PRELID2: variants seen among roughly 807,000 people sequenced by gnomAD.
The protein encoded by PRELID2 is PRELI domain-containing protein 2.
A neutral mutation model predicts 28.4 loss-of-function variants in PRELID2; 25 were observed. The ratio of observed to expected loss-of-function variants is 0.88; its 90% CI spans 0.64 to 1.23. PRELID2 has a LOEUF of 1.23. PRELID2 is among the 50% of genes most tolerant of loss of function. The probability of loss-of-function intolerance (pLI) is 0.00; values close to 1 mark genes in which losing one functional copy is unlikely to be tolerated. For synonymous variants in PRELID2, 76 were observed against 71.6 expected, an observed-to-expected ratio of 1.06 and a Z score of -0.31; for missense variants, 201 against 214.4, an observed-to-expected ratio of 0.94 and a Z score of 0.39.
chr5:145,650,302 A>T (rs1754266334), intron 1 of PRELID2, among the ~76,000 whole-genome samples: 1 of 151,954 alleles, frequency 6.6e-6, no homozygotes, highest in South Asian at 2.1e-4. Context: ...GACGAGTAGC[A>T]CTGAATGCCA....
chr5:145,622,201 A>G (rs1487475091), intron 1 of PRELID2, among the ~76,000 whole-genome samples: 1 of 152,158 alleles, frequency 6.6e-6, no homozygotes, highest in African/African-American at 2.4e-5. Flanking sequence ...TGCTAATAAG[A>G]ACAAAATTTT....
intron 1 of PRELID2, among the ~76,000 whole-genome samples, chr5:145,703,533 C>T (rs987072234): frequency 6.6e-5 from 10 of 152,194 alleles, no homozygotes; most frequent in African/African-American, 2.4e-4. Flanking sequence ...GTTCCAACAG[C>T]ACATAGCCAG....
At chr5:145,494,400 T>C (rs1314460709) in intron 1 of PRELID2, among the ~76,000 whole-genome samples, 1 of 152,232 alleles carries the variant, frequency 6.6e-6, no homozygotes, top group African/African-American at 2.4e-5. Flanking sequence ...TGGACAATTT[T>C]CTAACTGAAA....
chr5:145,407,426 C>T, the PRELID2 span, among the ~76,000 whole-genome samples: 1 of 152,048 alleles, frequency 6.6e-6, no homozygotes, highest in Non-Finnish European at 1.5e-5. Flanking sequence ...TGAGAACCAC[C>T]CTCTGTCTCC....
At chr5:145,326,613 A>G in the PRELID2 span, among the ~76,000 whole-genome samples, 2 of 152,200 alleles carry the variant, frequency 1.3e-5, no homozygotes, top group African/African-American at 4.8e-5. Context: ...TGAGTCTAGA[A>G]GAAGGCCTAC....
At chr5:145,714,292 T>C (rs1439792458) in intron 1 of PRELID2, among the ~76,000 whole-genome samples, 2 of 152,124 alleles carry the variant, frequency 1.3e-5, no homozygotes, top group African/African-American at 4.8e-5. Flanking sequence ...TGAAACTTCA[T>C]GACCGAGATT....
intron 1 of PRELID2, among the ~76,000 whole-genome samples, chr5:145,635,601 G>C (rs73313746): frequency 0.15 from 23,004 of 152,198 alleles, 2,975 homozygotes; most frequent in African/African-American, 0.34. Flanking sequence ...CTGTCTGGCA[G>C]CAGTGCCTGA....
chr5:145,283,185 C>A, the PRELID2 span, among the ~76,000 whole-genome samples: 3 of 152,146 alleles, frequency 2.0e-5, no homozygotes, highest in Non-Finnish European at 4.4e-5. Context: ...GAGCAATGCA[C>A]CTTAGTGGTT....
intron 1 of PRELID2, among the ~76,000 whole-genome samples, chr5:145,750,460 C>G (rs1444189890): frequency 6.6e-6 from 1 of 152,030 alleles, no homozygotes; most frequent in African/African-American, 2.4e-5. Context: ...TTATGCAATC[C>G]CTAAATTTCA....
chr5:145,535,127 A>G (rs572368959), intron 1 of PRELID2, among the ~76,000 whole-genome samples: 18 of 152,002 alleles, frequency 1.2e-4, no homozygotes, highest in African/African-American at 3.4e-4. Flanking sequence ...TTTTCCCCCT[A>G]TGTATCTCCT....
At chr5:145,688,002 C>T (rs1755069040) in intron 1 of PRELID2, among the ~76,000 whole-genome samples, 1 of 152,202 alleles carries the variant, frequency 6.6e-6, no homozygotes, top group Non-Finnish European at 1.5e-5. Context: ...CAGAAAAGCA[C>T]TCACATTCAC....
intron 5 of PRELID2, among the ~76,000 whole-genome samples, chr5:145,780,110 C>A (rs1758693840): frequency 6.6e-6 from 1 of 152,100 alleles, no homozygotes; most frequent in East Asian, 1.9e-4. Context: ...GTCAGGAGTT[C>A]AAGACCAGAC....
the PRELID2 span, among the ~76,000 whole-genome samples, chr5:145,341,448 G>A: frequency 6.6e-6 from 1 of 152,222 alleles, no homozygotes; most frequent in South Asian, 2.1e-4. Flanking sequence ...GCTGAGGGAT[G>A]AGAATCGCTT....
At chr5:145,809,968 G>A (rs1753816993) in intron 4 of PRELID2, among the ~76,000 whole-genome samples, 1 of 152,044 alleles carries the variant, frequency 6.6e-6, no homozygotes, top group South Asian at 2.1e-4. Flanking sequence ...CCTATTAAGA[G>A]GAAAAGGGTA....
the PRELID2 span, among the ~76,000 whole-genome samples, chr5:145,444,131 C>T: frequency 1.3e-5 from 2 of 151,974 alleles, no homozygotes; most frequent in African/African-American, 4.8e-5. Context: ...TTACCATGCC[C>T]TCTGTGTAAT....
At chr5:145,805,205 T>C (rs1376462472) in intron 4 of PRELID2, among the ~76,000 whole-genome samples, 1 of 152,184 alleles carries the variant, frequency 6.6e-6, no homozygotes, top group Non-Finnish European at 1.5e-5. Context: ...CCCCTCCTCA[T>C]CCCTTATTTC....
chr5:145,604,881 C>CCATATA (rs1554078619), intron 1 of PRELID2, among the ~76,000 whole-genome samples: 1 of 85,688 alleles, frequency 1.2e-5, no homozygotes, highest in African/African-American at 5.8e-5. Flanking sequence ...TGCTTGTTGG[C>CCATATA]CATATATATA....
At chr5:145,330,381 C>T in the PRELID2 span, among the ~76,000 whole-genome samples, 3,065 of 152,150 alleles carry the variant, frequency 0.02, 39 homozygotes, top group Non-Finnish European at 0.031. Context: ...TAGTAAAATT[C>T]GGCTGTGAAT....
At chr5:145,801,598 C>T (rs901255933) in intron 4 of PRELID2, among the ~76,000 whole-genome samples, 1 of 152,106 alleles carries the variant, frequency 6.6e-6, no homozygotes, top group Non-Finnish European at 1.5e-5. Context: ...GGTTGCTATG[C>T]TTTGAAAATT....
Sources: allele counts gnomAD v4.1 joint callset (sites outside exome capture counted in the v4.1 genomes callset), GRCh38; gene constraint gnomAD v4.1.1; transcripts MANE v1.5; gene names NCBI Gene and HGNC (gene_info 2026-07-23, HGNC 2026-07-21).